DNAI3: variants seen among roughly 807,000 people sequenced by gnomAD.
DNAI3 encodes WD repeat domain 63.
A neutral mutation model predicts 115.5 loss-of-function variants in DNAI3; 83 were observed. The observed-to-expected ratio is 0.72, with a 90% CI of 0.60 to 0.86. The LOEUF is 0.86. Among genes scored for constraint, DNAI3 ranks in the 40% least tolerant of loss-of-function variants. DNAI3 has a pLI of 0.00. For synonymous variants in DNAI3, 320 were observed against 347.0 expected (o/e 0.92, Z 0.86); for missense variants, 1,004 against 1,075.8 (o/e 0.93, Z 0.93).
At chr1:85,117,978 T>G in intron 17 of DNAI3, 119 bp downstream of exon 17, 1 of 1,227,972 alleles carries the variant, frequency 8.1e-7, no homozygotes. Flanking sequence ...TTTTCATATT[T>G]TAGTATGCTT....
intron 17 of DNAI3, 75 bp from the exon 18 acceptor site, chr1:85,121,676 T>C: frequency 2.2e-6 from 3 of 1,370,698 alleles, no homozygotes; most frequent in South Asian, 1.3e-5. Flanking sequence ...TAACAGTCAA[T>C]CTTAGCACAT....
chr1:85,116,498 T>C (rs1230748190), intron 16 of DNAI3, among the ~76,000 whole-genome samples: 1 of 152,264 alleles, frequency 6.6e-6, no homozygotes, highest in Non-Finnish European at 1.5e-5. Flanking sequence ...TCAATGTATG[T>C]ATATGTATTT....
chr1:85,128,128 A>AC (rs1214928810), intron 20 of DNAI3, among the ~76,000 whole-genome samples: 1 of 105,524 alleles, frequency 9.5e-6, no homozygotes, highest in South Asian at 2.6e-4. Flanking sequence ...CCTGTCTCAA[A>AC]AAAAAAAAAA....
At chr1:85,092,657 G>A (rs1337224971) in intron 8 of DNAI3, among the ~76,000 whole-genome samples, 1 of 152,132 alleles carries the variant, frequency 6.6e-6, no homozygotes, top group Admixed American at 6.5e-5. Flanking sequence ...CTAGCACTCA[G>A]ATGGTATCTT....
chr1:85,081,739 C>A (rs1355621259), intron 4 of DNAI3, among the ~76,000 whole-genome samples: 2 of 152,162 alleles, frequency 1.3e-5, no homozygotes, highest in Non-Finnish European at 2.9e-5. Context: ...CCTCCGCCTC[C>A]CAGGTTCAAG....
intron 3 of DNAI3, among the ~76,000 whole-genome samples, chr1:85,080,018 A>G (rs1654580966): frequency 6.6e-6 from 1 of 151,602 alleles, no homozygotes; most frequent in Admixed American, 6.6e-5. Flanking sequence ...TATAGGCTCA[A>G]GGGAAAGTTT....
At chr1:85,095,489 T>C (rs1336221726) in intron 10 of DNAI3, among the ~76,000 whole-genome samples, 5 of 152,200 alleles carry the variant, frequency 3.3e-5, no homozygotes, top group Non-Finnish European at 7.3e-5. Context: ...TAGAGTTTTC[T>C]AACCTTTCTA....
chr1:85,076,246 T>TAC (rs534252760), intron 3 of DNAI3, among the ~76,000 whole-genome samples: 2 of 152,228 alleles, frequency 1.3e-5, no homozygotes, highest in South Asian at 4.1e-4. Flanking sequence ...CCCTTGGGAT[T>TAC]ACACTGGGCC....
chr1:85,114,153 C>T (rs817466), intron 16 of DNAI3, among the ~76,000 whole-genome samples: 35,176 of 151,494 alleles, frequency 0.23, 4,853 homozygotes, highest in African/African-American at 0.38. Context: ...GCTGGGACCA[C>T]AGGCATGTAC....
chr1:85,094,257 A>G, intron 9 of DNAI3, 174 bp from the exon 10 acceptor site: 1 of 770,532 alleles, frequency 1.3e-6, no homozygotes, highest in South Asian at 1.8e-5. Context: ...CAAGTGCTAA[A>G]TAAGTAGCAT....
intron 14 of DNAI3, among the ~76,000 whole-genome samples, chr1:85,104,840 T>C (rs959817647): frequency 5.4e-5 from 2 of 37,112 alleles, no homozygotes; most frequent in Non-Finnish European, 1.1e-4. Flanking sequence ...TATCCATAGT[T>C]CTTCTTCACA....
At position 85,098,521 on chromosome 1, in the gene DNAI3, A is replaced by AT. The variant is rs1196416259; in HGVS notation, c.1351-4dup. On this transcript the variant is annotated splice_polypyrimidine_tract_variant and intron_variant, in intron 12 of 22. Transcript: ENST00000294664. Reference sequence around the variant, plus strand: ...AATTAGCACTTAACTTTCTTTTAATATTTTTCAGCCTATGTTTCTCCTTGA... The same window carrying AT: ...AATTAGCACTTAACTTTCTTTTAATATTTTTTCAGCCTATGTTTCTCCTTGA... 1 of 1,607,012 alleles carries AT rather than the reference A, an allele frequency of 6.2e-7. No individual in the cohort carries two copies. The highest frequency in any genetic ancestry group is 8.5e-7 in the Non-Finnish European group (1 of 1,178,178).
intron 3 of DNAI3, among the ~76,000 whole-genome samples, chr1:85,074,870 A>G (rs1359315132): frequency 2.0e-5 from 3 of 152,172 alleles, no homozygotes; most frequent in African/African-American, 7.2e-5. Context: ...CACTGAACTC[A>G]TGGCCAAATC....
intron 19 of DNAI3, among the ~76,000 whole-genome samples, chr1:85,124,836 C>A (rs1656087541): frequency 6.6e-6 from 1 of 152,152 alleles, no homozygotes; most frequent in Non-Finnish European, 1.5e-5. Context: ...CTGAACTTGA[C>A]TTGCATTTTT....
chr1:85,116,206 T>G (rs375362512), intron 16 of DNAI3, among the ~76,000 whole-genome samples: 4 of 152,198 alleles, frequency 2.6e-5, no homozygotes, highest in African/African-American at 9.7e-5. Context: ...CATCTGACTC[T>G]TGCTGTCTCC....
At chr1:85,072,997 A>C (rs1480208039) in intron 2 of DNAI3, 57 bp from the exon 3 acceptor site, 3 of 1,090,292 alleles carry the variant, frequency 2.8e-6, no homozygotes, top group African/African-American at 1.6e-5. Flanking sequence ...GATTATAATA[A>C]ATTGAGATGT....
rs778525329 is a variant in DNAI3, at chr1:85,097,666, TACA to T, written c.1350+15_1350+17del. 2.3e-5 allele frequency: 37 copies of T among 1,603,902 alleles called. No homozygotes were observed. The African/African-American group carries it at 4.4e-4, about 19-fold the overall frequency. ...AGAGCCACACTGAAGGTAAGCTTTT[TACA>T]ACATTTCACTTGCAAGTTTTTTCCA... is the stretch of plus-strand genomic sequence containing the variant. On this transcript the variant is annotated intron_variant, in intron 12 of 22. Coordinates refer to ENST00000294664, the MANE Select transcript of DNAI3 (RefSeq NM_145172.5).
chr1:85,127,784 A>G (rs143394827), intron 20 of DNAI3, among the ~76,000 whole-genome samples: 85 of 152,254 alleles, frequency 5.6e-4, no homozygotes, highest in Middle Eastern at 3.4e-3. Flanking sequence ...CAGACCTACT[A>G]AAAAGGAAAA....
Position 85,073,067 on chromosome 1 carries a change from G to C in DNAI3, c.78G>C (p.Met26Ile). 1 of 1,548,046 alleles carries C rather than the reference G, an allele frequency of 6.5e-7. No homozygotes were observed. Among genetic ancestry groups the C allele is most frequent in the Non-Finnish European group, 8.7e-7 (1 of 1,144,712 alleles). Reference protein sequence around the residue: ...LKPVLAASEDMEPVNMESMGH... With the variant: ...LKPVLAASEDIEPVNMESMGH... ...ATTATATTCTAGCTAGTGAAGACAT[G>C]GAACCAGTAAATATGGAGAGCATGG... Residue 26 changes from methionine (M) to isoleucine (I), a missense_variant, in exon 3 of 23, where the codon ATG becomes ATC. By Grantham distance (10) the Met-to-Ile change is conservative. Coordinates refer to ENST00000294664, the MANE Select transcript of DNAI3 (RefSeq NM_145172.5).
Sources: gnomAD v4.1 joint callset for allele counts (sites outside exome capture counted in the v4.1 genomes callset) on GRCh38, gnomAD v4.1.1 for gene constraint, MANE v1.5 for transcripts, NCBI Gene and HGNC (gene_info 2026-07-23, HGNC 2026-07-21) for gene names.